EXT1: variants seen among roughly 807,000 people sequenced by gnomAD.
The protein encoded by EXT1 is exostosin-1.
Under a neutral mutation model 82.5 loss-of-function variants are expected in EXT1, and 20 were observed. That is an observed-to-expected ratio of 0.24 (90% CI 0.17 to 0.35). The LOEUF is 0.35. Ranked by LOEUF, EXT1 falls within the 10% of genes least tolerant of loss-of-function variation. The probability of loss-of-function intolerance (pLI) is 1.00; values close to 1 mark genes in which losing one functional copy is unlikely to be tolerated. For missense variants in EXT1, 757 were observed against 936.5 expected, an observed-to-expected ratio of 0.81 and a Z score of 2.50; for synonymous variants, 348 against 350.8, an observed-to-expected ratio of 0.99 and a Z score of 0.09.
At chr8:118,002,636 A>G (rs1586336249) in intron 1 of EXT1, among the ~76,000 whole-genome samples, 1 of 140,774 alleles carries the variant, frequency 7.1e-6, no homozygotes, top group Admixed American at 7.8e-5. Context: ...GATTCACCCC[A>G]TTCTCCTGCC....
intron 5 of EXT1, 92 bp downstream of exon 5, chr8:117,822,373 G>T: frequency 7.2e-7 from 1 of 1,396,858 alleles, no homozygotes. Flanking sequence ...GGTGTTAGAT[G>T]GACCCCATTA....
chr8:117,926,771 C>CT (rs1290386848), intron 1 of EXT1, among the ~76,000 whole-genome samples: 13 of 152,152 alleles, frequency 8.5e-5, no homozygotes, highest in Non-Finnish European at 1.9e-4. Context: ...ATATAAAAGG[C>CT]TTTGCCTATA....
intron 1 of EXT1, among the ~76,000 whole-genome samples, chr8:118,063,812 C>T (rs1276232449): frequency 6.6e-6 from 1 of 152,120 alleles, no homozygotes; most frequent in Non-Finnish European, 1.5e-5. Flanking sequence ...TTCATGGAGA[C>T]AAACATCATA....
At chr8:118,074,185 T>C (rs1183208192) in intron 1 of EXT1, among the ~76,000 whole-genome samples, 1 of 152,038 alleles carries the variant, frequency 6.6e-6, no homozygotes, top group Non-Finnish European at 1.5e-5. Flanking sequence ...TGGGAGATGA[T>C]CTAAGCAACC....
At chr8:117,960,668 G>C (rs1814680902) in intron 1 of EXT1, among the ~76,000 whole-genome samples, 1 of 152,184 alleles carries the variant, frequency 6.6e-6, no homozygotes, top group South Asian at 2.1e-4. Flanking sequence ...AATTAAAATA[G>C]TTTAATTACA....
chr8:118,062,240 A>G (rs1483323312), intron 1 of EXT1, among the ~76,000 whole-genome samples: 1 of 152,200 alleles, frequency 6.6e-6, no homozygotes, highest in East Asian at 1.9e-4. Flanking sequence ...GCTAAACTAC[A>G]TGGACAGCTC....
intron 1 of EXT1, among the ~76,000 whole-genome samples, chr8:117,843,639 G>T (rs1812307405): frequency 6.6e-6 from 1 of 152,178 alleles, no homozygotes; most frequent in Non-Finnish European, 1.5e-5. Context: ...ATCTCCTAGA[G>T]CTCAGAGATG....
intron 1 of EXT1, among the ~76,000 whole-genome samples, chr8:117,887,406 C>T (rs766952939): frequency 3.2e-4 from 48 of 152,174 alleles, no homozygotes; most frequent in Non-Finnish European, 6.2e-4. Flanking sequence ...GGCTGGAGTG[C>T]AGTGGCACGA....
At chr8:118,053,191 A>C (rs1487793536) in intron 1 of EXT1, among the ~76,000 whole-genome samples, 1 of 152,146 alleles carries the variant, frequency 6.6e-6, no homozygotes, top group African/African-American at 2.4e-5. Context: ...TGGCTATGAC[A>C]CGAGGTCTCA....
chr8:117,931,052 T>C (rs956053075), intron 1 of EXT1, among the ~76,000 whole-genome samples: 12 of 152,234 alleles, frequency 7.9e-5, no homozygotes, highest in Non-Finnish European at 1.5e-4. Context: ...GTTCCAGGAA[T>C]TGCCCACCCA....
intron 1 of EXT1, among the ~76,000 whole-genome samples, chr8:118,025,894 A>C (rs1816193582): frequency 1.3e-5 from 2 of 152,236 alleles, no homozygotes; most frequent in African/African-American, 2.4e-5. Flanking sequence ...GATGGGCTTC[A>C]AAAGTTTCTG....
At chr8:117,831,529 A>G (rs1812098319) in intron 3 of EXT1, 4 of 469,290 alleles carry the variant, frequency 8.5e-6, no homozygotes, top group South Asian at 6.2e-5. Flanking sequence ...TTCAAGGTCT[A>G]TTTCATTTAC....
At chr8:118,036,245 T>C (rs923779179) in intron 1 of EXT1, among the ~76,000 whole-genome samples, 1 of 152,158 alleles carries the variant, frequency 6.6e-6, no homozygotes, top group East Asian at 1.9e-4. Context: ...TCCCACCGTA[T>C]TCCTACATGC....
At chr8:117,900,227 G>A (rs1813416140) in intron 1 of EXT1, among the ~76,000 whole-genome samples, 1 of 152,162 alleles carries the variant, frequency 6.6e-6, no homozygotes, top group South Asian at 2.1e-4. Flanking sequence ...TGATGGTCTG[G>A]AAGCACCCAG....
chr8:118,055,992 G>A (rs1461162394), intron 1 of EXT1, among the ~76,000 whole-genome samples: 2 of 152,044 alleles, frequency 1.3e-5, no homozygotes. Flanking sequence ...CCAATCTTTT[G>A]GCTTCCCTGG....
intron 1 of EXT1, among the ~76,000 whole-genome samples, chr8:117,933,206 C>G (rs577654977): frequency 7.1e-4 from 107 of 151,006 alleles, no homozygotes; most frequent in Non-Finnish European, 1.1e-3. Context: ...TCTGCCATAG[C>G]TCTTATCACT....
intron 1 of EXT1, among the ~76,000 whole-genome samples, chr8:117,989,514 T>C (rs1815391781): frequency 6.6e-6 from 1 of 152,184 alleles, no homozygotes; most frequent in African/African-American, 2.4e-5. Flanking sequence ...AATAGCTCTT[T>C]TAAACTGACC....
chr8:117,945,676 A>G (rs2129683083), intron 1 of EXT1, among the ~76,000 whole-genome samples: 1 of 151,448 alleles, frequency 6.6e-6, no homozygotes, highest in South Asian at 2.1e-4. Context: ...TAATTTTTGT[A>G]TTTTTTAGTA....
In EXT1 at chr8:117,797,679, T is replaced by G. The variant is rs1381633158; in HGVS notation, c.*2033A>C. On this transcript the variant is annotated 3_prime_UTR_variant, in exon 11 of 11. Transcript: ENST00000378204. The stretch of plus-strand genomic sequence containing the variant: ...GCTAATCTTTTAACTTGCTGAGAAG[T>G]GCAGCTTAAATGACATGAAACCTGT... The G allele has an allele frequency of 6.6e-6, 1 of 152,174 alleles. No individual in the cohort carries two copies. The highest frequency in any genetic ancestry group is 1.5e-5 in the Non-Finnish European group (1 of 68,036). 9.4% of individuals were successfully genotyped at this position (152,174 alleles called of 1,614,324 possible).
Sources: allele counts gnomAD v4.1 joint callset (sites outside exome capture counted in the v4.1 genomes callset), GRCh38; gene constraint gnomAD v4.1.1; transcripts MANE v1.5; gene names NCBI Gene and HGNC (gene_info 2026-07-23, HGNC 2026-07-21).